TTC13: variants seen among roughly 807,000 people sequenced by gnomAD.
TTC13 encodes tetratricopeptide repeat protein 13.
In TTC13, 62 loss-of-function variants were observed where a neutral mutation model predicts 120.0. The observed-to-expected ratio is 0.52, with a 90% confidence interval of 0.42 to 0.64. The LOEUF (loss-of-function observed/expected upper bound fraction) is 0.64. TTC13 is among the 30% of genes least tolerant of loss of function. The pLI is 0.00. For missense variants in TTC13, 824 were observed against 1,050.2 expected, an observed-to-expected ratio of 0.78 and a Z score of 2.98; for synonymous variants, 384 against 393.5, an observed-to-expected ratio of 0.98 and a Z score of 0.28.
rs759660122 is a variant in TTC13, at chr1:230,939,372, C to A, written c.900+14G>T. 77 of 1,550,636 alleles carry A rather than the reference C, an allele frequency of 5.0e-5. No individual in the cohort carries two copies. Among genetic ancestry groups the A allele is most frequent in the African/African-American group, 4.1e-5 (3 of 73,730 alleles). ...AGAGTCATCATATGGTACACATATGCACAACACTTTCACCTTCAGAAGTCC... is the reference window on the plus strand; with the variant it reads ...AGAGTCATCATATGGTACACATATGAACAACACTTTCACCTTCAGAAGTCC... On this transcript the variant is annotated intron_variant, in intron 8 of 22. Coordinates refer to ENST00000366661, the MANE Select transcript of TTC13 (RefSeq NM_024525.5).
At chr1:230,919,556 A>G (rs9432258) in intron 17 of TTC13, among the ~76,000 whole-genome samples, 20,406 of 152,242 alleles carry the variant, frequency 0.13, 1,379 homozygotes, top group Middle Eastern at 0.16. Flanking sequence ...TTCTCTAGTA[A>G]TTAAAGAGTA....
At chr1:230,908,456 C>T (rs1671154731) in intron 22 of TTC13, 1 of 528,336 alleles carries the variant, frequency 1.9e-6, no homozygotes, top group African/African-American at 1.9e-5. Flanking sequence ...TCCCAAAGTG[C>T]TGGGATTACA....
At chr1:230,956,619 A>C in intron 3 of TTC13, 1 of 349,522 alleles carries the variant, frequency 2.9e-6, no homozygotes. Context: ...TTTAGAGATA[A>C]ATTTTGTACT....
In TTC13 at chr1:230,929,322, A is replaced by ATTT. The variant is rs66812339; in HGVS notation, c.1301-232_1301-230dup. 5.8e-3 allele frequency among the ~76,000 whole-genome samples: 841 copies of ATTT among 144,440 alleles called. 8 individuals are homozygous for ATTT. The highest frequency in any genetic ancestry group is 0.02 in the African/African-American group (768 of 38,884). 94.8% of individuals were successfully genotyped at this position (144,440 alleles called of 152,430 possible). ...GTCAGTCTGGGTCTACTTTGGCTACATTTTTTTTTTTTGAGACGGAGTCTT... is the reference window on the plus strand; with the variant it reads ...GTCAGTCTGGGTCTACTTTGGCTACATTTTTTTTTTTTTTTGAGACGGAGTCTT... On this transcript the variant is annotated intron_variant, in intron 11 of 22. Coordinates refer to ENST00000366661, the MANE Select transcript of TTC13 (RefSeq NM_024525.5).
At chr1:230,952,392 T>C (rs1675678905) in intron 4 of TTC13, among the ~76,000 whole-genome samples, 1 of 152,148 alleles carries the variant, frequency 6.6e-6, no homozygotes, top group African/African-American at 2.4e-5. Flanking sequence ...TTGCTGCTAA[T>C]AAAAATATGT....
At chr1:230,956,981 C>T (rs1050143396) in intron 3 of TTC13, among the ~76,000 whole-genome samples, 3 of 152,074 alleles carry the variant, frequency 2.0e-5, no homozygotes, top group African/African-American at 7.2e-5. Flanking sequence ...AGCTCAGGGC[C>T]TACACTACCC....
At chr1:230,949,746 C>G (rs1167700828) in intron 4 of TTC13, among the ~76,000 whole-genome samples, 2 of 152,126 alleles carry the variant, frequency 1.3e-5, no homozygotes, top group Admixed American at 6.5e-5. Flanking sequence ...CCAGGGTTCA[C>G]GCCATTCTCC....
Position 230,906,873 on chromosome 1 carries a change from G to A in TTC13, c.*32C>T, listed in dbSNP as rs200173706. On this transcript the variant is annotated 3_prime_UTR_variant, in exon 23 of 23. Coordinates refer to ENST00000366661, the MANE Select transcript of TTC13 (RefSeq NM_024525.5). ...AAATAACTTAAGAAGCAAGAGGTCC[G>A]GCCCTTTACTTGTATAAATACAGCA... is the stretch of plus-strand genomic sequence containing the variant. 3,211 of 1,100,194 alleles carry A rather than the reference G, an allele frequency of 2.9e-3. 6 individuals carry two copies. Among genetic ancestry groups the A allele is most frequent in the Non-Finnish European group, 3.6e-3 (2,864 of 794,996 alleles). 68.2% of individuals were successfully genotyped at this position (1,100,194 alleles called of 1,614,324 possible).
intron 11 of TTC13, among the ~76,000 whole-genome samples, chr1:230,930,652 G>A (rs562755283): frequency 6.6e-6 from 1 of 152,316 alleles, no homozygotes; most frequent in African/African-American, 2.4e-5. Context: ...GGGCGTGGTG[G>A]CTCACGCCTG....
At chr1:230,915,145 TGTTTACTCATGAA>T (rs1671890073) in intron 18 of TTC13, among the ~76,000 whole-genome samples, 1 of 152,178 alleles carries the variant, frequency 6.6e-6, no homozygotes, top group African/African-American at 2.4e-5. Flanking sequence ...GCTGAACTGG[TGTTTACTCATGAA>T]GGCCTGTTTA....
At chr1:230,930,777 G>A (rs533840446) in intron 11 of TTC13, among the ~76,000 whole-genome samples, 71 of 152,290 alleles carry the variant, frequency 4.7e-4, no homozygotes, top group Non-Finnish European at 9.4e-4. Context: ...AATCAGCTGG[G>A]CATGATGGCG....
intron 8 of TTC13, among the ~76,000 whole-genome samples, chr1:230,934,842 A>G (rs560493939): frequency 3.7e-4 from 56 of 152,368 alleles, no homozygotes; most frequent in Non-Finnish European, 7.2e-4. Flanking sequence ...ACTACTGAAG[A>G]TGTCACATAC....
chr1:230,978,468 T>C lies in TTC13; in HGVS notation c.271+92A>G. On this transcript the variant is annotated intron_variant, in intron 1 of 22. Coordinates refer to ENST00000366661, the MANE Select transcript of TTC13 (RefSeq NM_024525.5). The surrounding 1 kb of genome is among the most constrained non-coding windows in gnomAD (Gnocchi z 5.6). ...GGATCGCGCGCCGCAGCCGGAGGCG[T>C]GAGGCCCGGGCGACCCGTACCCCGG... is the stretch of plus-strand genomic sequence containing the variant. 1 of 343,402 alleles carries C rather than the reference T, an allele frequency of 2.9e-6. No individual in the cohort carries two copies. The highest frequency in any genetic ancestry group is 5.1e-6 in the Non-Finnish European group (1 of 197,986). 21.3% of individuals were successfully genotyped at this position (343,402 alleles called of 1,614,324 possible).
intron 4 of TTC13, among the ~76,000 whole-genome samples, chr1:230,947,961 C>T (rs1675167599): frequency 6.6e-6 from 1 of 152,174 alleles, no homozygotes; most frequent in African/African-American, 2.4e-5. Flanking sequence ...CTCCCACCCA[C>T]TCCATCAGCC....
intron 4 of TTC13, among the ~76,000 whole-genome samples, chr1:230,947,688 C>T (rs1247039441): frequency 6.6e-6 from 1 of 152,122 alleles, no homozygotes; most frequent in Non-Finnish European, 1.5e-5. Flanking sequence ...ACATACATCT[C>T]CAGGAAGAAC....
chr1:230,923,665 C>A (rs541316224), intron 15 of TTC13, among the ~76,000 whole-genome samples, 176 bp downstream of exon 15: 1 of 152,250 alleles, frequency 6.6e-6, no homozygotes, highest in Admixed American at 6.5e-5. Context: ...TTTCTTTCTG[C>A]AGCTGGGCTA....
intron 1 of TTC13, among the ~76,000 whole-genome samples, chr1:230,963,664 AAAT>A (rs1270462187): frequency 6.6e-6 from 1 of 151,294 alleles, no homozygotes; most frequent in East Asian, 1.9e-4. Context: ...ATAAATAAAT[AAAT>A]AAATAAAAGA....
chr1:230,909,372 T>C (rs1001999261), intron 20 of TTC13, among the ~76,000 whole-genome samples: 9 of 152,172 alleles, frequency 5.9e-5, no homozygotes, highest in African/African-American at 2.2e-4. Context: ...GGCTCACACC[T>C]GTAATCCCAG....
chr1:230,959,451 G>A (rs370991512), intron 2 of TTC13, among the ~76,000 whole-genome samples: 4 of 151,496 alleles, frequency 2.6e-5, no homozygotes, highest in Non-Finnish European at 2.9e-5. Flanking sequence ...GCACGATCTC[G>A]GCTCACCACA....
Sources: allele counts gnomAD v4.1 joint callset (sites outside exome capture counted in the v4.1 genomes callset), GRCh38; gene constraint gnomAD v4.1.1; non-coding constraint Gnocchi (gnomAD v3.1); transcripts MANE v1.5; gene names NCBI Gene and HGNC (gene_info 2026-07-23, HGNC 2026-07-21).